The following TRPM3 variants were observed in gnomAD, a reference collection of about 807,000 sequenced individuals.
The protein encoded by TRPM3 is transient receptor potential cation channel subfamily M member 3.
In TRPM3, 77 loss-of-function variants were observed where a neutral mutation model predicts 181.2. The observed-to-expected ratio is 0.42, with a 90% CI of 0.35 to 0.51. TRPM3 has a LOEUF of 0.51. Ranked by LOEUF, TRPM3 falls within the 20% of genes least tolerant of loss-of-function variation. The pLI is 0.01. For missense variants in TRPM3, 1,759 were observed against 2,196.7 expected, an observed-to-expected ratio of 0.80 and a Z score of 3.98; for synonymous variants, 745 against 796.4, an observed-to-expected ratio of 0.94 and a Z score of 1.09.
chr9:71,411,352 C>A (rs908592951), intron 1 of TRPM3, among the ~76,000 whole-genome samples: 1 of 152,202 alleles, frequency 6.6e-6, no homozygotes, highest in African/African-American at 2.4e-5. Flanking sequence ...ATCTAGAAAA[C>A]CACATCGTCT....
chr9:70,917,377 C>T (rs2096607940), intron 1 of TRPM3: 1 of 936,334 alleles, frequency 1.1e-6, no homozygotes. Flanking sequence ...GGCCTTCAAC[C>T]ACTCTCTTCC....
chr9:71,024,691 T>A (rs1248849509), intron 1 of TRPM3, among the ~76,000 whole-genome samples: 2 of 152,226 alleles, frequency 1.3e-5, no homozygotes, highest in Admixed American at 1.3e-4. Flanking sequence ...AATAAGTTAA[T>A]GCCTATAAAA....
chr9:70,793,468 AAATAT>A (rs1157720189), intron 6 of TRPM3: 106 of 102,496 alleles, frequency 1.0e-3, no homozygotes, highest in South Asian at 8.8e-3. Flanking sequence ...AAAAAAAAAA[AAATAT>A]ATATATATAT....
chr9:70,864,693 C>T (rs1564633396), intron 1 of TRPM3, among the ~76,000 whole-genome samples, 182 bp from the exon 2 acceptor site: 1 of 151,854 alleles, frequency 6.6e-6, no homozygotes, highest in Non-Finnish European at 1.5e-5. Context: ...CAATTACTTC[C>T]CGTACCTGCT....
At chr9:71,062,265 G>C (rs939062093) in intron 1 of TRPM3, among the ~76,000 whole-genome samples, 2 of 152,192 alleles carry the variant, frequency 1.3e-5, no homozygotes, top group Admixed American at 6.6e-5. Context: ...TTAATGCTCT[G>C]TGGTTTTAAT....
chr9:70,694,121 G>C (rs552017558), intron 8 of TRPM3, among the ~76,000 whole-genome samples: 1 of 152,222 alleles, frequency 6.6e-6, no homozygotes, highest in Admixed American at 6.5e-5. Context: ...GAAATGTTTT[G>C]GAAGAAAACA....
At chr9:70,774,335 T>C (rs770731437) in intron 7 of TRPM3, 74 of 153,014 alleles carry the variant, frequency 4.8e-4, no homozygotes, top group Admixed American at 3.7e-3. Context: ...ATAGTAAATA[T>C]ATTTTCTCTT....
intron 1 of TRPM3, among the ~76,000 whole-genome samples, chr9:71,313,048 T>C (rs917000083): frequency 2.0e-5 from 3 of 152,160 alleles, no homozygotes; most frequent in Non-Finnish European, 4.4e-5. Context: ...AACTATGTGA[T>C]AATGATGTGT....
At chr9:71,386,669 C>T (rs1355528108) in intron 1 of TRPM3, among the ~76,000 whole-genome samples, 2 of 152,038 alleles carry the variant, frequency 1.3e-5, no homozygotes, top group African/African-American at 4.8e-5. Flanking sequence ...ATAATTATTA[C>T]TATATGATAT....
intron 1 of TRPM3, among the ~76,000 whole-genome samples, chr9:71,373,370 C>G (rs2092580060): frequency 6.7e-6 from 1 of 149,914 alleles, no homozygotes; most frequent in African/African-American, 2.4e-5. Context: ...ACAAAACAGA[C>G]AGACTACTAG....
chr9:71,058,623 G>A (rs1422052618), intron 1 of TRPM3, among the ~76,000 whole-genome samples: 1 of 151,982 alleles, frequency 6.6e-6, no homozygotes, highest in African/African-American at 2.4e-5. Context: ...AATTTCTAGA[G>A]TCATCTTTTA....
intron 1 of TRPM3, among the ~76,000 whole-genome samples, chr9:71,140,357 G>A (rs1319867347): frequency 2.0e-5 from 3 of 152,106 alleles, no homozygotes; most frequent in African/African-American, 4.8e-5. Flanking sequence ...CCATATCTCC[G>A]GTGTTTTAAA....
chr9:71,304,710 C>A (rs551069985), intron 1 of TRPM3, among the ~76,000 whole-genome samples: 2 of 152,096 alleles, frequency 1.3e-5, no homozygotes, highest in Non-Finnish European at 2.9e-5. Context: ...TGCAGAGCAG[C>A]GATCTGACCT....
intron 1 of TRPM3, among the ~76,000 whole-genome samples, chr9:71,140,665 TC>T (rs1384495485): frequency 1.3e-5 from 2 of 152,304 alleles, no homozygotes; most frequent in East Asian, 1.9e-4. Context: ...ATTCATTCAT[TC>T]ATGCATTCAA....
intron 1 of TRPM3, among the ~76,000 whole-genome samples, chr9:71,334,983 A>C (rs1317411535): frequency 6.6e-6 from 1 of 152,174 alleles, no homozygotes; most frequent in African/African-American, 2.4e-5. Context: ...TATTGGTAAT[A>C]ATAAATGATG....
At chr9:70,799,008 T>TAAATTGAAGCCTC (rs903433674) in intron 6 of TRPM3, among the ~76,000 whole-genome samples, 1 of 152,222 alleles carries the variant, frequency 6.6e-6, no homozygotes, top group African/African-American at 2.4e-5. Flanking sequence ...CCTGCACTTT[T>TAAATTGAAGCCTC]AAATTGAAGC....
intron 19 of TRPM3, among the ~76,000 whole-genome samples, chr9:70,605,854 G>A (rs2060980352): frequency 6.6e-6 from 1 of 152,164 alleles, no homozygotes; most frequent in African/African-American, 2.4e-5. Flanking sequence ...CCAAATGATT[G>A]CAAAACATTC....
chr9:71,152,404 T>C (rs972258403), intron 1 of TRPM3, among the ~76,000 whole-genome samples: 1 of 152,128 alleles, frequency 6.6e-6, no homozygotes, highest in African/African-American at 2.4e-5. Flanking sequence ...TAAATCACCA[T>C]GATTAAAAGG....
intron 1 of TRPM3, among the ~76,000 whole-genome samples, chr9:71,244,727 T>C (rs1038359918): frequency 6.6e-6 from 1 of 152,176 alleles, no homozygotes; most frequent in South Asian, 2.1e-4. Context: ...TCCTGATATG[T>C]GTAAAGCGCT....
Sources: allele counts gnomAD v4.1 joint callset (sites outside exome capture counted in the v4.1 genomes callset), GRCh38; gene constraint gnomAD v4.1.1; transcripts MANE v1.5; gene names NCBI Gene and HGNC (gene_info 2026-07-23, HGNC 2026-07-21).